The following CDKAL1 variants were observed in gnomAD, a reference collection of about 807,000 sequenced individuals.
CDKAL1 encodes the protein CDKAL1 threonylcarbamoyladenosine tRNA methylthiotransferase.
Under a neutral mutation model 68.2 loss-of-function variants are expected in CDKAL1, and 32 were observed. That is an observed-to-expected ratio of 0.47 (90% CI 0.35 to 0.63). The LOEUF is 0.63. Among genes scored for constraint, CDKAL1 ranks in the 30% least tolerant of loss-of-function variants. The pLI is 0.00. For synonymous variants in CDKAL1, 234 were observed against 244.3 expected, an observed-to-expected ratio of 0.96 and a Z score of 0.39; for missense variants, 606 against 696.7, an observed-to-expected ratio of 0.87 and a Z score of 1.47.
intron 4 of CDKAL1, among the ~76,000 whole-genome samples, chr6:20,648,440 G>T (rs74895399): frequency 6.8e-6 from 1 of 147,896 alleles, no homozygotes; most frequent in Non-Finnish European, 1.5e-5. Flanking sequence ...ATTTTTTGGC[G>T]TGTGTGCCAA....
chr6:20,816,113 T>G lies in CDKAL1; in HGVS notation c.639-29962T>G, dbSNP rs532338740. ...ATACTGATATCTGGACACATGGCCT[T>G]AATATGTCCCCCCCCCCGCCTTTTT... On this transcript the variant is annotated intron_variant, in intron 8 of 15. Transcript: ENST00000274695. Among the ~76,000 whole-genome samples, 139 of 106,452 alleles carry G rather than the reference T, an allele frequency of 1.3e-3. 2 individuals are homozygous for G. The highest frequency in any genetic ancestry group is 1.3e-3 in the Non-Finnish European group (71 of 55,048). The allele number at this position is 106,452 out of a possible 152,430, so 69.8% of individuals were successfully genotyped here.
At chr6:20,677,862 T>A (rs1770189747) in intron 5 of CDKAL1, among the ~76,000 whole-genome samples, 1 of 152,210 alleles carries the variant, frequency 6.6e-6, no homozygotes, top group Non-Finnish European at 1.5e-5. Flanking sequence ...AATCTTCTAA[T>A]TTAGGTTTTT....
rs576741034 is a variant in CDKAL1, at chr6:20,689,300, A to G, written c.371+39923A>G. ...ATCCTGGAGTTTTTAACTTTACTCT[A>G]AAAGTTGTCCACACTGAGCCTCCAG... On this transcript the variant is annotated intron_variant, in intron 5 of 15. Transcript: ENST00000274695. 5.9e-5 allele frequency among the ~76,000 whole-genome samples: 9 copies of G among 152,268 alleles called. No homozygotes were observed. In the South Asian group the frequency reaches 1.9e-3, roughly 32 times the overall value.
chr6:20,885,004 A>G (rs1481349021), intron 9 of CDKAL1, among the ~76,000 whole-genome samples: 1 of 152,176 alleles, frequency 6.6e-6, no homozygotes, highest in African/African-American at 2.4e-5. Context: ...AACACTACTG[A>G]AAGAAATGAA....
At chr6:20,984,260 G>A (rs571901635) in intron 10 of CDKAL1, among the ~76,000 whole-genome samples, 1 of 152,208 alleles carries the variant, frequency 6.6e-6, no homozygotes, top group Non-Finnish European at 1.5e-5. Context: ...AGCCACTTCA[G>A]TGTCAGCAGG....
chr6:20,739,551 T>G lies in CDKAL1; in HGVS notation c.404T>G (p.Leu135Arg). 1.2e-6 allele frequency: 2 copies of G among 1,612,858 alleles called. No individual in the cohort carries two copies. Among genetic ancestry groups the G allele is most frequent in the Non-Finnish European group, 1.7e-6 (2 of 1,179,324 alleles). Residue 135 changes from leucine to arginine, a missense_variant, in exon 6 of 16, where the codon CTG becomes CGG. Transcript: ENST00000274695. ...KAQEENKKIV[L>R]AGCVPQAQPR... ...CAAGAGGAGAACAAGAAAATCGTAC[T>G]GGCTGGATGCGTTCCTCAAGCCCAG...
intron 8 of CDKAL1, among the ~76,000 whole-genome samples, chr6:20,829,524 C>A (rs1777627416): frequency 6.6e-6 from 1 of 152,180 alleles, no homozygotes. Flanking sequence ...TGGGTAGATG[C>A]AATGCAAGGC....
chr6:21,100,953 G>A (rs1773548358), intron 12 of CDKAL1, among the ~76,000 whole-genome samples: 1 of 152,178 alleles, frequency 6.6e-6, no homozygotes, highest in African/African-American at 2.4e-5. Flanking sequence ...AGAGTCCAGT[G>A]TATTAAGTTA....
chr6:21,125,849 G>A (rs1774983432), intron 13 of CDKAL1, among the ~76,000 whole-genome samples: 1 of 152,200 alleles, frequency 6.6e-6, no homozygotes, highest in African/African-American at 2.4e-5. Context: ...GGAGTTAGGT[G>A]TCCCTTTCAT....
At chr6:20,588,451 A>G (rs1765464325) in intron 4 of CDKAL1, among the ~76,000 whole-genome samples, 2 of 152,198 alleles carry the variant, frequency 1.3e-5, no homozygotes, top group Non-Finnish European at 2.9e-5. Context: ...ACATTTATAA[A>G]TGTTTGATCT....
intron 5 of CDKAL1, among the ~76,000 whole-genome samples, chr6:20,685,401 TG>T (rs1180398029): frequency 6.6e-6 from 1 of 152,234 alleles, no homozygotes; most frequent in African/African-American, 2.4e-5. Flanking sequence ...TGATTATTGT[TG>T]CTTTGCAGAA....
intron 11 of CDKAL1, among the ~76,000 whole-genome samples, chr6:21,030,294 A>AG (rs35592283): frequency 6.6e-6 from 1 of 152,178 alleles, no homozygotes; most frequent in Non-Finnish European, 1.5e-5. Context: ...ACATGGACAC[A>AG]GGGAGGGAAA....
chr6:21,076,210 T>A (rs1772064582), intron 12 of CDKAL1, among the ~76,000 whole-genome samples: 1 of 152,174 alleles, frequency 6.6e-6, no homozygotes, highest in African/African-American at 2.4e-5. Context: ...AGGAATTACA[T>A]TGTTGCTGTG....
chr6:21,184,653 A>C (rs568676114), intron 13 of CDKAL1, among the ~76,000 whole-genome samples: 1 of 151,628 alleles, frequency 6.6e-6, no homozygotes, highest in Non-Finnish European at 1.5e-5. Context: ...TTATTTAATT[A>C]ATTAATTTAT....
At chr6:20,733,786 T>G (rs1447308070) in intron 5 of CDKAL1, among the ~76,000 whole-genome samples, 3 of 152,206 alleles carry the variant, frequency 2.0e-5, no homozygotes, top group Non-Finnish European at 2.9e-5. Flanking sequence ...ATCTTAATCT[T>G]CTCATCTGTG....
At chr6:21,113,580 G>A (rs113818376) in intron 13 of CDKAL1, among the ~76,000 whole-genome samples, 1 of 151,868 alleles carries the variant, frequency 6.6e-6, no homozygotes, top group Admixed American at 6.6e-5. Context: ...TCAGCTCACC[G>A]CAACCTCTGC....
chr6:20,571,005 G>T (rs1334441309), intron 4 of CDKAL1, among the ~76,000 whole-genome samples: 4 of 152,056 alleles, frequency 2.6e-5, no homozygotes, highest in Admixed American at 2.6e-4. Flanking sequence ...ATTCTGCTGT[G>T]GGGATTTTCA....
intron 15 of CDKAL1, among the ~76,000 whole-genome samples, chr6:21,208,811 A>T (rs1779037160): frequency 6.6e-6 from 1 of 152,150 alleles, no homozygotes; most frequent in Admixed American, 6.5e-5. Flanking sequence ...TATGCTGCTG[A>T]GCTATATTTT....
intron 12 of CDKAL1, among the ~76,000 whole-genome samples, chr6:21,093,918 G>A (rs530471475): frequency 7.5e-6 from 1 of 132,728 alleles, no homozygotes; most frequent in South Asian, 2.5e-4. Context: ...TTTTTGTAGA[G>A]ACAGGGTCTT....
Sources: gnomAD v4.1 joint callset for allele counts (sites outside exome capture counted in the v4.1 genomes callset) on GRCh38, gnomAD v4.1.1 for gene constraint, MANE v1.5 for transcripts, NCBI Gene and HGNC (gene_info 2026-07-23, HGNC 2026-07-21) for gene names.